MTA1: variants seen among roughly 807,000 people sequenced by gnomAD.
MTA1 encodes metastasis-associated protein MTA1.
Under a neutral mutation model 97.0 loss-of-function variants are expected in MTA1, and 15 were observed. The observed-to-expected ratio is 0.15, with a 90% confidence interval of 0.10 to 0.24. The LOEUF is 0.24. Among genes scored for constraint, MTA1 ranks in the 10% least tolerant of loss-of-function variants. MTA1 has a pLI of 1.00. For missense variants in MTA1, 709 were observed against 1,015.1 expected (o/e 0.70, Z 4.10); for synonymous variants, 435 against 417.5 (o/e 1.04, Z -0.51).
At chr14:105,441,075 A>G (rs1407997491) in intron 2 of MTA1, among the ~76,000 whole-genome samples, 1 of 152,162 alleles carries the variant, frequency 6.6e-6, no homozygotes, top group Non-Finnish European at 1.5e-5. Flanking sequence ...AACAGGAACC[A>G]TGGTGACATG....
chr14:105,440,461 G>A (rs782267483), intron 2 of MTA1, among the ~76,000 whole-genome samples: 51 of 152,232 alleles, frequency 3.4e-4, no homozygotes, highest in Non-Finnish European at 5.3e-4. Flanking sequence ...GCGCCTGGCC[G>A]AGTGCCACTG....
chr14:105,469,182 GC>G, intron 18 of MTA1: 1 of 627,676 alleles, frequency 1.6e-6, no homozygotes, highest in Non-Finnish European at 3.0e-6. Context: ...GACAGCCCCG[GC>G]CCCTGTGCAG....
chr14:105,467,311 G>A (rs587766142), intron 18 of MTA1: 126 of 426,920 alleles, frequency 3.0e-4, no homozygotes, highest in Non-Finnish European at 4.9e-4. Flanking sequence ...TGTGGGGCCC[G>A]GGTGTGCAAG....
intron 19 of MTA1, 52 bp downstream of exon 19, chr14:105,469,550 T>C (rs587601755): frequency 1.9e-6 from 3 of 1,595,792 alleles, no homozygotes; most frequent in Admixed American, 1.7e-5. Context: ...ATGAGCTCTC[T>C]GGGGTGTTGG....
rs377680327 is a variant in MTA1, at chr14:105,466,696, G to A, written c.1778-11G>A. The A allele has an allele frequency of 2.2e-5, 36 of 1,603,988 alleles. No homozygotes were observed. Among genetic ancestry groups the A allele is most frequent in the Non-Finnish European group, 2.9e-5 (34 of 1,176,652 alleles). ...GTCTTCTCTCCCTCTCTCCCACCCC[G>A]GCGCTGCCAGGCAACATGAAGAAGC... is the stretch of plus-strand genomic sequence containing the variant. On this transcript the variant is annotated splice_polypyrimidine_tract_variant and intron_variant, in intron 17 of 20. Coordinates refer to ENST00000331320, the MANE Select transcript of MTA1 (RefSeq NM_004689.4).
In MTA1 at chr14:105,419,987, G is replaced by GCCGAGCGCCGCGCCCGCC; in HGVS notation, c.-45_-28dup. 1.0e-6 allele frequency: 1 copy of GCCGAGCGCCGCGCCCGCC among 965,110 alleles called. No homozygotes were observed. Among genetic ancestry groups the GCCGAGCGCCGCGCCCGCC allele is most frequent in the Non-Finnish European group, 1.2e-6 (1 of 815,688 alleles). 59.8% of individuals were successfully genotyped at this position (965,110 alleles called of 1,614,324 possible). ...CGCCTCCATTTTCCCGGCCGCCCGC[G>GCCGAGCGCCGCGCCCGCC]CCGAGCGCCGCGCCCGCCCCGGGCC... On this transcript the variant is annotated 5_prime_UTR_variant, in exon 1 of 21. Coordinates refer to ENST00000331320, the MANE Select transcript of MTA1 (RefSeq NM_004689.4).
chr14:105,429,290 C>T (rs1555422888), intron 1 of MTA1, among the ~76,000 whole-genome samples: 1 of 151,954 alleles, frequency 6.6e-6, no homozygotes, highest in African/African-American at 2.4e-5. Context: ...TGGAGCAGCA[C>T]TTTTTGTTTT....
At chr14:105,436,008 C>G (rs2082314015) in intron 1 of MTA1, among the ~76,000 whole-genome samples, 1 of 152,182 alleles carries the variant, frequency 6.6e-6, no homozygotes, top group South Asian at 2.1e-4. Flanking sequence ...GTGGCTCATG[C>G]CTGTAATCTC....
In MTA1 at chr14:105,469,924, C is replaced by G. The variant is rs782682867; in HGVS notation, c.1929C>G (p.Val643=). 1.9e-6 allele frequency: 3 copies of G among 1,612,172 alleles called. No homozygotes were observed. Among genetic ancestry groups the G allele is most frequent in the Admixed American group, 1.7e-5 (1 of 59,946 alleles). ...RLIRGGSLPP[V]KRRRMNWIDA... ...TCCGGGGGGGCTCCCTGCCCCCAGT[C>G]AAGCGGCGGCGGATGAACTGGATCG... The change falls in exon 20 of 21, where the codon GTC becomes GTG. Residue 643 remains valine, a synonymous_variant. Transcript: ENST00000331320.
intron 6 of MTA1, among the ~76,000 whole-genome samples, chr14:105,452,751 G>A (rs587750621): frequency 1.3e-5 from 2 of 152,374 alleles, no homozygotes; most frequent in South Asian, 2.1e-4. Context: ...CTGGATAGTC[G>A]TGTCAGTTCA....
In MTA1 at chr14:105,470,184, T is replaced by G; in HGVS notation, c.2117T>G (p.Val706Gly). ...LPPRPPPPAP[V>G]NDEPIVIED is the part of the protein sequence containing the mutation. ...CCGCGGCCACCGCCACCTGCGCCCG[T>G]CAACGACGAGCCCATCGTCATCGAG... Residue 706 changes from valine to glycine, a missense_variant, in exon 21 of 21, where the codon GTC becomes GGC. Physicochemically the swap from Val to Gly is moderately radical, Grantham distance 109. Around this residue, in one of 2 missense-constraint regions of MTA1, gnomAD observed 388 missense variants for 421.6 expected, o/e 0.92. Transcript: ENST00000331320. 1 of 1,607,286 alleles carries G rather than the reference T, an allele frequency of 6.2e-7. No individual in the cohort carries two copies. The highest frequency in any genetic ancestry group is 1.3e-5 in the African/African-American group (1 of 74,868).
intron 2 of MTA1, among the ~76,000 whole-genome samples, chr14:105,440,535 A>C (rs1555425411): frequency 6.6e-6 from 1 of 152,242 alleles, no homozygotes; most frequent in African/African-American, 2.4e-5. Context: ...TGCAGACAGT[A>C]GATTGCAGGC....
At chr14:105,469,009 C>T (rs1488507962) in intron 18 of MTA1, 2 of 353,022 alleles carry the variant, frequency 5.7e-6, no homozygotes, top group Non-Finnish European at 1.1e-5. Context: ...TGACCTGTTT[C>T]TGGCCGGGGC....
At position 105,464,751 on chromosome 14, in the gene MTA1, C is replaced by A; in HGVS notation, c.1422C>A (p.His474Gln). 6.2e-7 allele frequency: 1 copy of A among 1,610,222 alleles called. No individual in the cohort carries two copies. Among genetic ancestry groups the A allele is most frequent in the Non-Finnish European group, 8.5e-7 (1 of 1,178,042 alleles). ...AMKTRQAFYLHTTKLTRIARR... is the reference protein window; with the variant it reads ...AMKTRQAFYLQTTKLTRIARR... ...AGACCAGGCAGGCTTTCTATCTGCA[C>A]ACGACGAAGCTGACGCGGATCGCCC... Residue 474 changes from histidine to glutamine, a missense_variant, in exon 15 of 21, where the codon CAC (histidine) becomes CAA (glutamine). This residue lies in a region of MTA1 where 388 missense variants were observed against 421.6 expected (regional missense o/e 0.92). Coordinates refer to ENST00000331320, the MANE Select transcript of MTA1 (RefSeq NM_004689.4).
At chr14:105,440,672 C>T (rs993216406) in intron 2 of MTA1, among the ~76,000 whole-genome samples, 5 of 152,266 alleles carry the variant, frequency 3.3e-5, no homozygotes, top group African/African-American at 4.8e-5. Flanking sequence ...GGCCACATGG[C>T]GTGGGCACTT....
At chr14:105,440,427 C>T (rs1364999101) in intron 2 of MTA1, among the ~76,000 whole-genome samples, 2 of 152,230 alleles carry the variant, frequency 1.3e-5, no homozygotes, top group Non-Finnish European at 2.9e-5. Flanking sequence ...CAACCCGGGG[C>T]GGGAGGCTGC....
intron 15 of MTA1, 73 bp downstream of exon 15, chr14:105,464,936 G>T: frequency 6.8e-7 from 1 of 1,480,272 alleles, no homozygotes; most frequent in Admixed American, 2.3e-5. Context: ...TTGGGGCCCA[G>T]CCTGTAGCCC....
At chr14:105,426,374 A>AC (rs201852734) in intron 1 of MTA1, among the ~76,000 whole-genome samples, 5,092 of 85,104 alleles carry the variant, frequency 0.06, 292 homozygotes, top group African/African-American at 0.17. Flanking sequence ...ACTTCGTCTC[A>AC]CAAAAAAAAA....
chr14:105,458,071 C>T (rs1482496684), intron 7 of MTA1, among the ~76,000 whole-genome samples, 199 bp from the exon 8 acceptor site: 1 of 152,174 alleles, frequency 6.6e-6, no homozygotes, highest in Non-Finnish European at 1.5e-5. Flanking sequence ...TGCGTGTGCA[C>T]CCCAGCCCCG....
Sources: gnomAD v4.1 joint callset for allele counts (sites outside exome capture counted in the v4.1 genomes callset) on GRCh38, gnomAD v4.1.1 for gene constraint, gnomAD v4.1.1 regional missense constraint, MANE v1.5 for transcripts, NCBI Gene and HGNC (gene_info 2026-07-23, HGNC 2026-07-21) for gene names.